Variants in GRID2 observed in about 807,000 individuals in gnomAD.
The protein encoded by GRID2 is glutamate receptor ionotropic, delta-2.
In GRID2, 33 loss-of-function variants were observed where a neutral mutation model predicts 114.8. That is an observed-to-expected ratio of 0.29 (90% confidence interval 0.22 to 0.38). The LOEUF is 0.38. GRID2 is among the 10% of genes least tolerant of loss of function. The pLI, the probability that GRID2 is intolerant of heterozygous loss-of-function variation, is 1.00. For synonymous variants in GRID2, 505 were observed against 449.9 expected, an observed-to-expected ratio of 1.12 and a Z score of -1.55; for missense variants, 1,184 against 1,257.7, an observed-to-expected ratio of 0.94 and a Z score of 0.89.
chr4:92,542,590 A>G (rs970465567), intron 1 of GRID2, among the ~76,000 whole-genome samples: 4 of 152,024 alleles, frequency 2.6e-5, no homozygotes, highest in African/African-American at 4.8e-5. Flanking sequence ...ATGAAGATGC[A>G]GAGCATAAGA....
intron 1 of GRID2, among the ~76,000 whole-genome samples, chr4:92,464,628 A>G (rs1163864462): frequency 1.3e-5 from 2 of 152,140 alleles, no homozygotes; most frequent in Non-Finnish European, 2.9e-5. Context: ...AAAATAGCAT[A>G]TCCCAGCATT....
chr4:92,794,785 T>G (rs931377342), intron 2 of GRID2, among the ~76,000 whole-genome samples: 9 of 150,546 alleles, frequency 6.0e-5, no homozygotes, highest in Admixed American at 1.3e-4. Context: ...CATGTATAAA[T>G]TTTGACTACA....
Position 92,676,312 on chromosome 4 carries a change from TG to T in GRID2, c.244+86029del. 4.6e-5 allele frequency among the ~76,000 whole-genome samples: 7 copies of T among 151,926 alleles called. 1 individual carries two copies. The highest frequency in any genetic ancestry group is 4.6e-4 in the Admixed American group (7 of 15,268). ...CTCCTGCCTCAGCCTCCCGAGTAGC[TG>T]GGACTACAGGTGCCCACCACAACGC... On this transcript the variant is annotated intron_variant, in intron 2 of 15. Coordinates refer to ENST00000282020, the MANE Select transcript of GRID2 (RefSeq NM_001510.4).
At chr4:93,027,607 A>G (rs1724001807) in intron 2 of GRID2, among the ~76,000 whole-genome samples, 1 of 152,108 alleles carries the variant, frequency 6.6e-6, no homozygotes, top group African/African-American at 2.4e-5. Flanking sequence ...ATCTTTGGAG[A>G]TGAGAGGAAG....
chr4:93,185,728 T>C lies in GRID2; in HGVS notation c.736-21676T>C, dbSNP rs951121112. 3.4e-4 allele frequency among the ~76,000 whole-genome samples: 52 copies of C among 152,210 alleles called. 1 individual carries two copies. ...TTAAAAATAGTATATTTGATGATAA[T>C]GTGATTAAAGAATACACACCAATTT... On this transcript the variant is annotated intron_variant, in intron 4 of 15. Coordinates refer to ENST00000282020, the MANE Select transcript of GRID2 (RefSeq NM_001510.4).
At chr4:93,592,431 A>G (rs1738467776) in intron 13 of GRID2, among the ~76,000 whole-genome samples, 1 of 152,206 alleles carries the variant, frequency 6.6e-6, no homozygotes, top group East Asian at 1.9e-4. Context: ...GTAGTTTGTT[A>G]TAATTTCTGT....
At position 92,336,929 on chromosome 4, in the gene GRID2, G is replaced by A. The variant is rs563886183; in HGVS notation, c.88+32185G>A. Among the ~76,000 whole-genome samples, 3 of 144,878 alleles carry A rather than the reference G, an allele frequency of 2.1e-5. No homozygotes were observed. In the Admixed American group the frequency reaches 2.1e-4, roughly 10 times the overall value. ...CTCACTGGAGTCTTTTTGGCTTTAC[G>A]GACCAAGTCAGGTCTTTCGTTGTTG... On this transcript the variant is annotated intron_variant, in intron 1 of 15. Transcript: ENST00000282020.
At chr4:93,487,576 G>T (rs1412059594) in intron 11 of GRID2, among the ~76,000 whole-genome samples, 2 of 151,734 alleles carry the variant, frequency 1.3e-5, no homozygotes, top group South Asian at 2.1e-4. Flanking sequence ...TGTTGTCTCA[G>T]TCCCACCCTC....
At chr4:93,658,865 A>T (rs905312932) in intron 14 of GRID2, among the ~76,000 whole-genome samples, 2 of 152,290 alleles carry the variant, frequency 1.3e-5, no homozygotes, top group South Asian at 4.1e-4. Flanking sequence ...AACTATTTTT[A>T]CTCAAAATTT....
rs527350090 is a variant in GRID2, at chr4:92,688,509, A to G, written c.244+98223A>G. On this transcript the variant is annotated intron_variant, in intron 2 of 15. Transcript: ENST00000282020. ...AATTCTTTGTTGTCATTTAAACAGT[A>G]TTCCCAACATCTTTACCAAAAATAG... Among the ~76,000 whole-genome samples the G allele has an allele frequency of 1.4e-4, 22 of 152,324 alleles. No homozygotes were observed. The East Asian group carries it at 4.2e-3, about 29-fold the overall frequency.
rs977579408 is a variant in GRID2, at chr4:93,694,286, C to A, written c.2360+67851C>A. 3.9e-5 allele frequency among the ~76,000 whole-genome samples: 6 copies of A among 152,138 alleles called. No individual in the cohort carries two copies. In the South Asian group the frequency reaches 1.2e-3, roughly 31 times the overall value. The stretch of plus-strand genomic sequence containing the variant: ...CCTATTGCCTGGCCATGTACCCAAC[C>A]AACCTCCTCACTGTGTCTTCCGCAA... On this transcript the variant is annotated intron_variant, in intron 14 of 15. Transcript: ENST00000282020.
intron 2 of GRID2, among the ~76,000 whole-genome samples, chr4:92,904,746 C>G (rs932411478): frequency 6.6e-6 from 1 of 151,838 alleles, no homozygotes; most frequent in Non-Finnish European, 1.5e-5. Context: ...CTCAGGGGAG[C>G]AATGACAATG....
intron 1 of GRID2, among the ~76,000 whole-genome samples, chr4:92,397,342 ATGTGTGTGTGTGTG>A (rs58085283): frequency 0.32 from 45,971 of 142,694 alleles, 8,035 homozygotes; most frequent in East Asian, 0.7. Context: ...GTGTGTTTGT[ATGTGTGTGTGTGTG>A]TGTGTGTGTG....
intron 3 of GRID2, among the ~76,000 whole-genome samples, chr4:93,086,582 A>G (rs1730344572): frequency 6.6e-6 from 1 of 152,170 alleles, no homozygotes; most frequent in South Asian, 2.1e-4. Context: ...GCTTCAGCCA[A>G]AGTCTGTGGC....
chr4:93,073,766 A>G (rs2149308226), intron 2 of GRID2, among the ~76,000 whole-genome samples: 1 of 152,298 alleles, frequency 6.6e-6, no homozygotes, highest in East Asian at 1.9e-4. Flanking sequence ...GATCTTTCAC[A>G]GATATAAGCC....
intron 2 of GRID2, among the ~76,000 whole-genome samples, chr4:92,719,751 G>T (rs189554396): frequency 4.6e-5 from 7 of 152,200 alleles, no homozygotes; most frequent in East Asian, 1.9e-4. Context: ...GGGAAGAAAA[G>T]ATGACGAAGT....
intron 14 of GRID2, among the ~76,000 whole-genome samples, chr4:93,702,358 C>A (rs954302303): frequency 1.3e-5 from 2 of 152,084 alleles, no homozygotes; most frequent in Admixed American, 1.3e-4. Flanking sequence ...TTCTGCAATT[C>A]GTCTTTTTCT....
intron 1 of GRID2, among the ~76,000 whole-genome samples, chr4:92,582,420 A>G (rs1022943102): frequency 2.0e-5 from 3 of 151,858 alleles, no homozygotes; most frequent in Non-Finnish European, 2.9e-5. Flanking sequence ...TTAGAAATTC[A>G]TATCAATTTA....
intron 2 of GRID2, among the ~76,000 whole-genome samples, chr4:92,698,412 C>T (rs1286707943): frequency 6.6e-6 from 1 of 151,822 alleles, no homozygotes; most frequent in African/African-American, 2.4e-5. Context: ...AATGATGTTA[C>T]CTGTTTCAGT....
Sources: gnomAD v4.1 joint callset for allele counts (sites outside exome capture counted in the v4.1 genomes callset) on GRCh38, gnomAD v4.1.1 for gene constraint, MANE v1.5 for transcripts, NCBI Gene and HGNC (gene_info 2026-07-23, HGNC 2026-07-21) for gene names.